The following UBFD1 variants were observed in gnomAD, a reference collection of about 807,000 sequenced individuals.
UBFD1 encodes ubiquitin domain-containing protein UBFD1.
A neutral mutation model predicts 35.1 loss-of-function variants in UBFD1; 12 were observed. The ratio of observed to expected loss-of-function variants is 0.34; its 90% CI spans 0.22 to 0.55. The LOEUF is 0.55. Ranked by LOEUF, UBFD1 falls within the 20% of genes least tolerant of loss-of-function variation. The pLI is 0.89. For synonymous variants in UBFD1, 178 were observed against 167.6 expected, an observed-to-expected ratio of 1.06 and a Z score of -0.48; for missense variants, 337 against 410.8, an observed-to-expected ratio of 0.82 and a Z score of 1.55.
At chr16:23,570,402 A>C in intron 6 of UBFD1, 78 bp from the exon 7 acceptor site, 1 of 1,024,966 alleles carries the variant, frequency 9.8e-7, no homozygotes, top group South Asian at 1.3e-5. Context: ...TCACATCCCA[A>C]CCCTCACCCA....
chr16:23,570,452 C>G (rs1370170848), intron 6 of UBFD1, 28 bp from the exon 7 acceptor site: 1 of 1,573,798 alleles, frequency 6.4e-7, no homozygotes, highest in Admixed American at 1.7e-5. Flanking sequence ...CTCTGAAGTA[C>G]CGCTTGGTTT....
intron 6 of UBFD1, among the ~76,000 whole-genome samples, chr16:23,569,895 G>A (rs1206031780): frequency 6.6e-6 from 1 of 152,194 alleles, no homozygotes; most frequent in Non-Finnish European, 1.5e-5. Context: ...GAATCTGTCA[G>A]TATTAACTGT....
chr16:23,562,315 C>T (rs1408819814), intron 4 of UBFD1, 44 bp downstream of exon 4: 3 of 1,580,494 alleles, frequency 1.9e-6, no homozygotes, highest in Non-Finnish European at 1.7e-6. Context: ...TGAGGCAGCC[C>T]CACCGTCTGA....
intron 6 of UBFD1, chr16:23,568,654 A>T (rs1567402024): frequency 6.6e-6 from 1 of 151,404 alleles, no homozygotes; most frequent in South Asian, 2.1e-4. Flanking sequence ...CCCCGTCTCT[A>T]CTAAAATTAC....
Position 23,566,631 on chromosome 16 carries a change from C to G in UBFD1, c.737-356C>G, listed in dbSNP as rs538450806. The G allele has an allele frequency of 1.7e-5, 3 of 174,734 alleles. No homozygotes were observed. The South Asian group carries it at 4.1e-4, about 24-fold the overall frequency. The allele number at this position is 174,734 out of a possible 1,614,324, so 10.8% of individuals were successfully genotyped here. A position where few individuals can be genotyped will look rare whatever the true frequency, so the allele number is the denominator to read the frequency against. On this transcript the variant is annotated intron_variant, in intron 5 of 6. Coordinates refer to ENST00000395878, the MANE Select transcript of UBFD1 (RefSeq NM_019116.3). Reference sequence around the variant, plus strand: ...CCCACCTTGGCCAAATCCTGACTCACAAGATGTTAGGATTACAGGCTTGAG... The same window carrying G: ...CCCACCTTGGCCAAATCCTGACTCAGAAGATGTTAGGATTACAGGCTTGAG...
At chr16:23,567,095 C>T (rs1196775696) in intron 6 of UBFD1, 26 bp downstream of exon 6, 2 of 1,606,472 alleles carry the variant, frequency 1.2e-6, no homozygotes, top group Non-Finnish European at 1.7e-6. Flanking sequence ...TGAGTTCAGC[C>T]CCTCTCACTA....
In UBFD1 at chr16:23,567,207, C is replaced by G. The variant is rs529272935; in HGVS notation, c.819+138C>G. 130 of 736,874 alleles carry G rather than the reference C, an allele frequency of 1.8e-4. No individual in the cohort carries two copies. In the African/African-American group the frequency reaches 2.2e-3, roughly 12 times the overall value. The allele number at this position is 736,874 out of a possible 1,614,324, so 45.6% of individuals were successfully genotyped here. ...CACTTTTTTAAGACCCTGATGTTTT[C>G]TTCATCTACTTAGAACTTAATCCAT... On this transcript the variant is annotated intron_variant, in intron 6 of 6. Coordinates refer to ENST00000395878, the MANE Select transcript of UBFD1 (RefSeq NM_019116.3).
At chr16:23,568,008 G>A (rs1490362522) in intron 6 of UBFD1, among the ~76,000 whole-genome samples, 2 of 152,382 alleles carry the variant, frequency 1.3e-5, no homozygotes, top group African/African-American at 4.8e-5. Context: ...GTGGGCAAGG[G>A]AGGCAGCCCT....
In UBFD1 at chr16:23,562,617, G is replaced by A. The variant is rs1360729869; in HGVS notation, c.631-8G>A. 1 of 1,612,954 alleles carries A rather than the reference G, an allele frequency of 6.2e-7. No homozygotes were observed. The highest frequency in any genetic ancestry group is 1.6e-4 in the Middle Eastern group (1 of 6,076). ...CCTCCATCTCTTACCATTCTCTCGT[G>A]CCTTCAGGAGCGCCTGCCAACGGTA... On this transcript the variant is annotated splice_polypyrimidine_tract_variant and splice_region_variant and intron_variant, in intron 4 of 6. Coordinates refer to ENST00000395878, the MANE Select transcript of UBFD1 (RefSeq NM_019116.3).
At chr16:23,563,926 C>T (rs952957925) in intron 5 of UBFD1, 1 of 152,248 alleles carries the variant, frequency 6.6e-6, no homozygotes, top group African/African-American at 2.4e-5. Flanking sequence ...ATGAAGCCTT[C>T]CTTGATTCTC....
chr16:23,562,395 T>G, intron 4 of UBFD1, 124 bp downstream of exon 4: 1 of 958,094 alleles, frequency 1.0e-6, no homozygotes, highest in South Asian at 1.7e-5. Context: ...AGAGTCTTGC[T>G]CTGTCACCCA....
At chr16:23,560,255 C>T (rs1567398068) in intron 3 of UBFD1, among the ~76,000 whole-genome samples, 2 of 152,144 alleles carry the variant, frequency 1.3e-5, no homozygotes, top group East Asian at 3.9e-4. Context: ...TGCAAGAGAT[C>T]CTGCCTTGTC....
rs575800081 is a variant in UBFD1 at position 23,559,783 on chromosome 16, C to T, written c.564+107C>T. The T allele has an allele frequency of 2.6e-6, 4 of 1,556,668 alleles. No individual in the cohort carries two copies. In the African/African-American group the frequency reaches 4.1e-5, roughly 16 times the overall value. ...AATAAGCTCCTTTTTGGACAGGGCC[C>T]ATGATGGAAATTTATGGCAGCAGTT... On this transcript the variant is annotated intron_variant, in intron 3 of 6. Transcript: ENST00000395878.
In UBFD1 at chr16:23,573,395, GC is replaced by G. The variant is rs1966113128; in HGVS notation, c.*2807del. The G allele has an allele frequency of 1.3e-5, 2 of 152,164 alleles. No homozygotes were observed. The allele number at this position is 152,164 out of a possible 1,614,324, so 9.4% of individuals were successfully genotyped here. Reference sequence around the variant, plus strand: ...GGTTCTGGCTCACAGACATCATCATGCCTTTTTTTCCCTCCCTGAGGCGCCT... The same window carrying G: ...GGTTCTGGCTCACAGACATCATCATGCTTTTTTTCCCTCCCTGAGGCGCCT... On this transcript the variant is annotated 3_prime_UTR_variant, in exon 7 of 7. Coordinates refer to ENST00000395878, the MANE Select transcript of UBFD1 (RefSeq NM_019116.3).
chr16:23,566,897 C>G (rs146861156), intron 5 of UBFD1, 90 bp from the exon 6 acceptor site: 126 of 1,266,502 alleles, frequency 9.9e-5, no homozygotes, highest in South Asian at 6.2e-4. Context: ...GTAGATCCCG[C>G]AGCCACCAGC....
chr16:23,567,518 C>G (rs1366422167), intron 6 of UBFD1, among the ~76,000 whole-genome samples: 1 of 152,208 alleles, frequency 6.6e-6, no homozygotes, highest in African/African-American at 2.4e-5. Context: ...TCTTCCAGGC[C>G]CAGTGGCTGA....
chr16:23,569,805 G>A (rs1285752558), intron 6 of UBFD1: 1 of 152,164 alleles, frequency 6.6e-6, no homozygotes, highest in Non-Finnish European at 1.5e-5. Context: ...GAACAAGATG[G>A]AGTGTTGTTT....
chr16:23,561,135 G>C (rs1207848345), intron 3 of UBFD1, among the ~76,000 whole-genome samples: 1 of 152,206 alleles, frequency 6.6e-6, no homozygotes, highest in East Asian at 1.9e-4. Flanking sequence ...GGCCAATTAT[G>C]ATGCATCACA....
chr16:23,561,149 C>T (rs1965927303), intron 3 of UBFD1, among the ~76,000 whole-genome samples: 1 of 152,220 alleles, frequency 6.6e-6, no homozygotes, highest in African/African-American at 2.4e-5. Flanking sequence ...CATCACATGA[C>T]CTAATGAGAG....
Sources: gnomAD v4.1 joint callset for allele counts (sites outside exome capture counted in the v4.1 genomes callset) on GRCh38, gnomAD v4.1.1 for gene constraint, MANE v1.5 for transcripts, NCBI Gene and HGNC (gene_info 2026-07-23, HGNC 2026-07-21) for gene names.